Variants in KAZN observed in about 807,000 individuals in gnomAD.
The protein encoded by KAZN is kazrin.
In KAZN, 40 loss-of-function variants were observed where a neutral mutation model predicts 87.4. The observed-to-expected ratio is 0.46, with a 90% CI of 0.36 to 0.60. The LOEUF (loss-of-function observed/expected upper bound fraction) is 0.60. Among genes scored for constraint, KAZN ranks in the 20% least tolerant of loss-of-function variants. KAZN has a pLI of 0.00. For synonymous variants in KAZN, 466 were observed against 458.3 expected (o/e 1.02, Z -0.22); for missense variants, 898 against 1,073.9 (o/e 0.84, Z 2.29).
chr1:14,928,081 T>C (rs1200342247), intron 1 of KAZN, among the ~76,000 whole-genome samples: 1 of 152,206 alleles, frequency 6.6e-6, no homozygotes, highest in Non-Finnish European at 1.5e-5. Flanking sequence ...AGCCAGTGGA[T>C]GTCCCAACCG....
intron 8 of KAZN, among the ~76,000 whole-genome samples, chr1:15,087,185 G>A (rs1277643348): frequency 6.6e-6 from 1 of 152,184 alleles, no homozygotes; most frequent in Non-Finnish European, 1.5e-5. Context: ...ACTAATGCAA[G>A]CCACATGTGT....
chr1:14,490,638 G>A (rs548886296), intron 2 of KAZN, among the ~76,000 whole-genome samples: 4 of 152,120 alleles, frequency 2.6e-5, no homozygotes, highest in South Asian at 4.1e-4. Flanking sequence ...GATTACAGGC[G>A]TGTGCCACCA....
intron 7 of KAZN, 99 bp from the exon 8 acceptor site, chr1:15,065,531 T>C (rs1639156141): frequency 1.9e-6 from 2 of 1,076,374 alleles, no homozygotes; most frequent in Non-Finnish European, 2.7e-6. Context: ...CAGAGAGGCC[T>C]TCCCCACCCC....
At chr1:14,924,612 C>A in intron 1 of KAZN, 1 of 995,166 alleles carries the variant, frequency 1.0e-6, no homozygotes, top group Non-Finnish European at 1.2e-6. Context: ...GCGGCGCGGA[C>A]ACAGGCCCAG....
At chr1:14,748,124 G>A (rs1644311176) in intron 1 of KAZN, among the ~76,000 whole-genome samples, 1 of 152,220 alleles carries the variant, frequency 6.6e-6, no homozygotes, top group Non-Finnish European at 1.5e-5. Flanking sequence ...TCTCTTTCCT[G>A]TGAGTTGGAT....
At chr1:14,229,901 A>G (rs1647648923) in intron 2 of KAZN, among the ~76,000 whole-genome samples, 1 of 152,262 alleles carries the variant, frequency 6.6e-6, no homozygotes, top group African/African-American at 2.4e-5. Context: ...CCTCCAGCAG[A>G]GCCATATGCA....
At chr1:14,821,755 A>G (rs1295764109) in intron 1 of KAZN, among the ~76,000 whole-genome samples, 1 of 152,036 alleles carries the variant, frequency 6.6e-6, no homozygotes, top group East Asian at 1.9e-4. Context: ...TGAGAAAGTA[A>G]ATTTCTATTG....
At chr1:14,040,752 G>A (rs1418036300) in intron 1 of KAZN, among the ~76,000 whole-genome samples, 4 of 131,010 alleles carry the variant, frequency 3.1e-5, no homozygotes, top group Non-Finnish European at 1.8e-5. Flanking sequence ...GAGACAGAGC[G>A]AGACTTCATC....
chr1:14,383,532 A>T (rs1419579371), intron 2 of KAZN, among the ~76,000 whole-genome samples: 2 of 151,514 alleles, frequency 1.3e-5, no homozygotes, highest in African/African-American at 4.9e-5. Context: ...CTTTCTACAT[A>T]TGGCTAGCCA....
rs5772575 is a variant in KAZN at position 14,276,160 on chromosome 1, G to GGTGT, written c.249+95607_249+95610dup. On this transcript the variant is annotated intron_variant, in intron 2 of 16. Coordinates refer to the KAZN transcript ENST00000636203. The stretch of plus-strand genomic sequence containing the variant: ...CATGGAGCATAGTGTTCGCTATAAG[G>GGTGT]GTGTGTGTGTGTGTGTGTGTGTGTG... Among the ~76,000 whole-genome samples, 91 of 135,788 alleles carry GGTGT rather than the reference G, an allele frequency of 6.7e-4. 1 individual carries two copies. The highest frequency in any genetic ancestry group is 2.7e-3 in the East Asian group (13 of 4,860). 89.1% of individuals were successfully genotyped at this position (135,788 alleles called of 152,430 possible).
chr1:14,122,715 T>A (rs1644778266), intron 1 of KAZN, among the ~76,000 whole-genome samples: 1 of 152,270 alleles, frequency 6.6e-6, no homozygotes, highest in Admixed American at 6.5e-5. Context: ...GCTTTTAGGC[T>A]GTGAGCATTG....
intron 2 of KAZN, among the ~76,000 whole-genome samples, chr1:14,318,532 TTTTC>T (rs1204651337): frequency 1.7e-4 from 26 of 152,140 alleles, no homozygotes; most frequent in African/African-American, 5.8e-4. Flanking sequence ...CTTGGTATGG[TTTTC>T]TTTGTGTTTT....
At chr1:14,168,438 CTG>C (rs1645879263) in intron 1 of KAZN, among the ~76,000 whole-genome samples, 1 of 149,436 alleles carries the variant, frequency 6.7e-6, no homozygotes, top group Non-Finnish European at 1.5e-5. Context: ...TTTATTATCT[CTG>C]TGCAAATTGA....
intron 8 of KAZN, among the ~76,000 whole-genome samples, chr1:15,084,774 G>A (rs1324536758): frequency 6.6e-6 from 1 of 152,164 alleles, no homozygotes; most frequent in Non-Finnish European, 1.5e-5. Flanking sequence ...TCTGGAGAAA[G>A]GCATCTGCTA....
intron 1 of KAZN, among the ~76,000 whole-genome samples, chr1:14,612,506 G>A (rs951850807): frequency 3.9e-5 from 6 of 152,148 alleles, no homozygotes; most frequent in African/African-American, 9.7e-5. Flanking sequence ...GGGAATGAGC[G>A]AGGCCTGATT....
chr1:15,046,775 G>A (rs895991841), intron 4 of KAZN, among the ~76,000 whole-genome samples: 1 of 152,186 alleles, frequency 6.6e-6, no homozygotes, highest in Non-Finnish European at 1.5e-5. Flanking sequence ...TGGGGTCCAG[G>A]GGGTTCCCAC....
In KAZN at chr1:15,077,295, C is replaced by T. The variant is rs1639803079; in HGVS notation, c.1222+11542C>T. 6.6e-6 allele frequency among the ~76,000 whole-genome samples: 1 copy of T among 152,166 alleles called. No homozygotes were observed. The highest frequency in any genetic ancestry group is 2.1e-4 in the South Asian group (1 of 4,824). On this transcript the variant is annotated intron_variant, in intron 8 of 14. Coordinates refer to ENST00000376030, the MANE Select transcript of KAZN (RefSeq NM_201628.3). This position sits in a 1 kb window ranked among gnomAD's most constrained non-coding sequence, Gnocchi z 4.8. The stretch of plus-strand genomic sequence containing the variant: ...CGTGCTCTGACAGTCCCTGGTCTTC[C>T]CCTGCGTGTGGAGTCCCCGGGCCTG...
chr1:14,076,395 A>G (rs1190677814), intron 1 of KAZN, among the ~76,000 whole-genome samples: 1 of 152,126 alleles, frequency 6.6e-6, no homozygotes, highest in African/African-American at 2.4e-5. Flanking sequence ...TTGCCAGCAA[A>G]TGCCAGAAGA....
Position 14,788,927 on chromosome 1 carries a change from G to C in KAZN, c.227-171757G>C, listed in dbSNP as rs530006193. ...ATCCCATGGGTTAAGATCTCCTCCAGATCATCAATTTACAAACGCAGTTAC... is the reference window on the plus strand; with the variant it reads ...ATCCCATGGGTTAAGATCTCCTCCACATCATCAATTTACAAACGCAGTTAC... On this transcript the variant is annotated intron_variant, in intron 1 of 14. Coordinates refer to ENST00000376030, the MANE Select transcript of KAZN (RefSeq NM_201628.3). Among the ~76,000 whole-genome samples, 6 of 152,248 alleles carry C rather than the reference G, an allele frequency of 3.9e-5. No homozygotes were observed. In the South Asian group the frequency reaches 1.0e-3, roughly 26 times the overall value.
Sources: allele counts gnomAD v4.1 joint callset (sites outside exome capture counted in the v4.1 genomes callset), GRCh38; gene constraint gnomAD v4.1.1; non-coding constraint Gnocchi (gnomAD v3.1); transcripts MANE v1.5; gene names NCBI Gene and HGNC (gene_info 2026-07-23, HGNC 2026-07-21).